The following BNIP3L variants were observed in gnomAD, a reference collection of about 807,000 sequenced individuals.
The protein encoded by BNIP3L is BCL2 interacting protein 3 like.
Under a neutral mutation model 25.5 loss-of-function variants are expected in BNIP3L, and 10 were observed. That is an observed-to-expected ratio of 0.39 (90% CI 0.24 to 0.67). The LOEUF (loss-of-function observed/expected upper bound fraction) is 0.67. BNIP3L is among the 30% of genes least tolerant of loss of function. The pLI is 0.45. For missense variants in BNIP3L, 215 were observed against 270.9 expected (o/e 0.79, Z 1.45); for synonymous variants, 113 against 101.2 (o/e 1.12, Z -0.70).
At chr8:26,400,206 C>G (rs1806338366) in intron 3 of BNIP3L, among the ~76,000 whole-genome samples, 1 of 151,868 alleles carries the variant, frequency 6.6e-6, no homozygotes, top group Admixed American at 6.6e-5. Context: ...GGTACTGGTA[C>G]CAAAACATAG....
intron 3 of BNIP3L, among the ~76,000 whole-genome samples, chr8:26,403,452 A>G (rs932962564): frequency 2.0e-5 from 3 of 152,114 alleles, no homozygotes; most frequent in Admixed American, 6.5e-5. Context: ...TATAAGGACT[A>G]TATATAATTT....
At chr8:26,404,169 A>G (rs909994878) in intron 3 of BNIP3L, among the ~76,000 whole-genome samples, 1 of 152,232 alleles carries the variant, frequency 6.6e-6, no homozygotes, top group Non-Finnish European at 1.5e-5. Flanking sequence ...CAAGAGTCTC[A>G]GTTTTGTATC....
At chr8:26,407,108 C>T (rs141228204) in intron 3 of BNIP3L, among the ~76,000 whole-genome samples, 4,410 of 151,738 alleles carry the variant, frequency 0.029, 77 homozygotes, top group Middle Eastern at 0.062. Context: ...CAGGCTCAAG[C>T]GATTCTTCTG....
At chr8:26,396,558 A>G (rs1338463291) in intron 3 of BNIP3L, among the ~76,000 whole-genome samples, 6 of 144,130 alleles carry the variant, frequency 4.2e-5, no homozygotes, top group East Asian at 2.1e-4. Flanking sequence ...ACTCTAAAAC[A>G]CAGAGCGCCT....
Position 26,411,793 on chromosome 8 carries a change from C to T in BNIP3L, c.*1381C>T, listed in dbSNP as rs1232090680. 1 of 152,464 alleles carries T rather than the reference C, an allele frequency of 6.6e-6. No homozygotes were observed. Among genetic ancestry groups the T allele is most frequent in the Non-Finnish European group, 1.5e-5 (1 of 68,006 alleles). 9.4% of individuals were successfully genotyped at this position (152,464 alleles called of 1,614,324 possible). A position where few individuals can be genotyped will look rare whatever the true frequency, so the allele number is the denominator to read the frequency against. ...CATCTAGCATGACTCTGAAGGATACCACATGTTTTATATATAAATAATTAC... is the reference window on the plus strand; with the variant it reads ...CATCTAGCATGACTCTGAAGGATACTACATGTTTTATATATAAATAATTAC... On this transcript the variant is annotated 3_prime_UTR_variant, in exon 6 of 6. Coordinates refer to ENST00000380629, the MANE Select transcript of BNIP3L (RefSeq NM_004331.3).
rs575926839 is a variant in BNIP3L, at chr8:26,408,220, T to C, written c.462-7T>C. 75 of 1,612,968 alleles carry C rather than the reference T, an allele frequency of 4.6e-5. No homozygotes were observed. The highest frequency in any genetic ancestry group is 6.1e-5 in the Non-Finnish European group (72 of 1,179,192). The stretch of plus-strand genomic sequence containing the variant: ...AAATGACATCTGCCTCTGAATTTCT[T>C]TCTCAGGGAGTTCCACTTCAGACAC... On this transcript the variant is annotated splice_polypyrimidine_tract_variant and splice_region_variant and intron_variant, in intron 4 of 5. Transcript: ENST00000380629.
At chr8:26,407,587 C>T (rs938234922) in intron 3 of BNIP3L, among the ~76,000 whole-genome samples, 2 of 152,124 alleles carry the variant, frequency 1.3e-5, no homozygotes, top group African/African-American at 4.8e-5. Context: ...CTCAGCCTCC[C>T]AAAGTGCTGG....
chr8:26,391,900 C>A (rs1442392207), intron 2 of BNIP3L, among the ~76,000 whole-genome samples: 1 of 152,172 alleles, frequency 6.6e-6, no homozygotes, highest in Non-Finnish European at 1.5e-5. Context: ...AGTAGACACT[C>A]AGTAAATGTT....
chr8:26,394,969 G>A (rs1044431869), intron 2 of BNIP3L, among the ~76,000 whole-genome samples: 1 of 152,190 alleles, frequency 6.6e-6, no homozygotes, highest in Non-Finnish European at 1.5e-5. Flanking sequence ...TCTGTAGATA[G>A]TATTTCCTTT....
intron 3 of BNIP3L, among the ~76,000 whole-genome samples, chr8:26,405,581 G>A (rs941754491): frequency 2.6e-5 from 4 of 152,168 alleles, no homozygotes; most frequent in Non-Finnish European, 5.9e-5. Context: ...AACTAGACCT[G>A]TCAAGAGTCA....
intron 2 of BNIP3L, among the ~76,000 whole-genome samples, chr8:26,393,747 A>G (rs1416783818): frequency 6.6e-6 from 1 of 152,180 alleles, no homozygotes; most frequent in Non-Finnish European, 1.5e-5. Flanking sequence ...GCACAAAGAT[A>G]GTAAACTGAG....
Position 26,411,305 on chromosome 8 carries a change from T to C in BNIP3L, c.*893T>C, listed in dbSNP as rs1806618506. The C allele has an allele frequency of 6.6e-6, 1 of 152,416 alleles. No individual in the cohort carries two copies. Among genetic ancestry groups the C allele is most frequent in the Non-Finnish European group, 1.5e-5 (1 of 68,008 alleles). 9.4% of individuals were successfully genotyped at this position (152,416 alleles called of 1,614,324 possible). ...CATTTTTTATTTTTTATTTCTTTATTTTTTTTTCTCTAAGAAGAGGCTTTG... is the reference window on the plus strand; with the variant it reads ...CATTTTTTATTTTTTATTTCTTTATCTTTTTTTCTCTAAGAAGAGGCTTTG... On this transcript the variant is annotated 3_prime_UTR_variant, in exon 6 of 6. Transcript: ENST00000380629.
In BNIP3L at chr8:26,383,424, C is replaced by T. The variant is rs556357878; in HGVS notation, c.100+194C>T. On this transcript the variant is annotated intron_variant, in intron 1 of 5. Coordinates refer to ENST00000380629, the MANE Select transcript of BNIP3L (RefSeq NM_004331.3). Reference sequence around the variant, plus strand: ...GCCTTGCTCCGGGCCTCTCTGTTGCCTCCTGGGGTCTTGGGCCCGGGGCCG... The same window carrying T: ...GCCTTGCTCCGGGCCTCTCTGTTGCTTCCTGGGGTCTTGGGCCCGGGGCCG... The T allele has an allele frequency of 6.4e-6, 9 of 1,414,744 alleles. No individual in the cohort carries two copies. The African/African-American group carries it at 8.8e-5, about 14-fold the overall frequency. The allele number at this position is 1,414,744 out of a possible 1,614,324, so 87.6% of individuals were successfully genotyped here. A position where few individuals can be genotyped will look rare whatever the true frequency, so the allele number is the denominator to read the frequency against.
chr8:26,390,706 T>G (rs535733863), intron 1 of BNIP3L, among the ~76,000 whole-genome samples: 5 of 152,346 alleles, frequency 3.3e-5, no homozygotes, highest in South Asian at 4.1e-4. Flanking sequence ...TGCTATTGGA[T>G]TTAGGTTCCC....
In BNIP3L at chr8:26,391,304, T is replaced by C. The variant is rs374028935; in HGVS notation, c.162T>C (p.Asn54=). Residue 54 remains asparagine, a synonymous_variant, in exon 2 of 6, where the codon AAT becomes AAC. Coordinates refer to ENST00000380629, the MANE Select transcript of BNIP3L (RefSeq NM_004331.3). The stretch of plus-strand genomic sequence containing the variant: ...GCAATGATAATGGCAATGGGAAAAA[T>C]GGGGGGCTGGAACACGTACCATCCT... ...SNGNDNGNGK[N]GGLEHVPSSS... is the part of the protein sequence containing the mutation. 6.2e-6 allele frequency: 10 copies of C among 1,611,316 alleles called. No homozygotes were observed. Among genetic ancestry groups the C allele is most frequent in the Non-Finnish European group, 8.5e-6 (10 of 1,179,046 alleles).
rs769329556 is a variant in BNIP3L at position 26,413,004 on chromosome 8, G to T, written c.*2592G>T. 6.6e-6 allele frequency: 1 copy of T among 152,628 alleles called. No individual in the cohort carries two copies. The highest frequency in any genetic ancestry group is 1.5e-5 in the Non-Finnish European group (1 of 68,020). 9.5% of individuals were successfully genotyped at this position (152,628 alleles called of 1,614,324 possible). A position where few individuals can be genotyped will look rare whatever the true frequency, so the allele number is the denominator to read the frequency against. On this transcript the variant is annotated 3_prime_UTR_variant, in exon 6 of 6. Transcript: ENST00000380629. This position sits in a 1 kb window ranked among gnomAD's most constrained non-coding sequence, Gnocchi z 5.2. Reference sequence around the variant, plus strand: ...TGTGGAAATTATTGGAATTAACTGAGCCAAAGTGATTATGCATTCTTCATC... The same window carrying T: ...TGTGGAAATTATTGGAATTAACTGATCCAAAGTGATTATGCATTCTTCATC...
At chr8:26,386,375 T>G (rs949342791) in intron 1 of BNIP3L, among the ~76,000 whole-genome samples, 2 of 152,218 alleles carry the variant, frequency 1.3e-5, no homozygotes, top group African/African-American at 4.8e-5. Flanking sequence ...TAAATCGTAG[T>G]ATAATTCTTG....
chr8:26,383,721 G>T (rs1161825818), intron 1 of BNIP3L, among the ~76,000 whole-genome samples: 1 of 151,496 alleles, frequency 6.6e-6, no homozygotes, highest in African/African-American at 2.4e-5. Context: ...GGCGGGCAGC[G>T]TCTGGCGGGC....
In BNIP3L at chr8:26,410,409, C is replaced by T. The variant is rs1806596327; in HGVS notation, c.657C>T (p.Tyr219=). The T allele has an allele frequency of 1.2e-6, 2 of 1,613,976 alleles. No individual in the cohort carries two copies. Among genetic ancestry groups the T allele is most frequent in the Non-Finnish European group, 1.7e-6 (2 of 1,180,004 alleles). Residue 219 remains tyrosine, a synonymous_variant, in exon 6 of 6, where the codon TAC becomes TAT. Transcript: ENST00000380629. The part of the protein sequence containing the change: ...KRLSTPSAST[Y] ...TGAGCACACCCTCTGCCAGCACCTA[C>T]TGAGGGAAAGGAAAAGCCCCTGGAA...
Sources: gnomAD v4.1 joint callset for allele counts (sites outside exome capture counted in the v4.1 genomes callset) on GRCh38, gnomAD v4.1.1 for gene constraint, Gnocchi (gnomAD v3.1) non-coding constraint, MANE v1.5 for transcripts, NCBI Gene and HGNC (gene_info 2026-07-23, HGNC 2026-07-21) for gene names.